The following PCCB variants were observed in gnomAD, a reference collection of about 807,000 sequenced individuals.
PCCB encodes the protein propionyl-CoA carboxylase subunit beta, also known as propionyl-CoA carboxylase beta chain, mitochondrial.
Under a neutral mutation model 60.7 loss-of-function variants are expected in PCCB, and 43 were observed. The observed-to-expected ratio is 0.71, with a 90% CI of 0.55 to 0.91. The LOEUF (loss-of-function observed/expected upper bound fraction) is 0.91, where lower values mean the gene tolerates loss of function less well. Among genes scored for constraint, PCCB ranks in the 40% least tolerant of loss-of-function variants. PCCB has a pLI of 0.00. For missense variants in PCCB, 766 were observed against 702.8 expected, an observed-to-expected ratio of 1.09 and a Z score of -1.02; for synonymous variants, 276 against 255.9, an observed-to-expected ratio of 1.08 and a Z score of -0.75.
intron 9 of PCCB, among the ~76,000 whole-genome samples, chr3:136,302,977 G>A (rs1287932320): frequency 8.2e-6 from 1 of 122,162 alleles, no homozygotes; most frequent in African/African-American, 2.5e-5. Flanking sequence ...CCATTTACTT[G>A]GGAGGCTGAG....
chr3:136,253,737 C>T (rs1383405070), intron 1 of PCCB, among the ~76,000 whole-genome samples: 1 of 146,186 alleles, frequency 6.8e-6, no homozygotes, highest in East Asian at 2.1e-4. Context: ...GTGGTGTAAT[C>T]ATGGCTTAGT....
chr3:136,288,592 G>A (rs919331227), intron 6 of PCCB, among the ~76,000 whole-genome samples: 1 of 150,954 alleles, frequency 6.6e-6, no homozygotes, highest in East Asian at 2.0e-4. Context: ...TCAAGCAATC[G>A]TCCTCCCTCC....
chr3:136,269,304 G>A (rs1303635162), intron 5 of PCCB, among the ~76,000 whole-genome samples: 1 of 152,082 alleles, frequency 6.6e-6, no homozygotes, highest in East Asian at 1.9e-4. Context: ...ATTTAGAATG[G>A]AATTATCTTG....
intron 5 of PCCB, among the ~76,000 whole-genome samples, chr3:136,276,608 G>A (rs1012250587): frequency 6.6e-6 from 1 of 152,180 alleles, no homozygotes; most frequent in African/African-American, 2.4e-5. Flanking sequence ...GATTCCTCCT[G>A]TGGAGATGCA....
chr3:136,277,897 G>A (rs1576322153), intron 5 of PCCB, among the ~76,000 whole-genome samples: 2 of 152,296 alleles, frequency 1.3e-5, no homozygotes, highest in South Asian at 2.1e-4. Context: ...GCCACCTGCA[G>A]GGCCAGGCAC....
intron 9 of PCCB, among the ~76,000 whole-genome samples, chr3:136,307,552 G>C (rs1415522194): frequency 6.6e-6 from 1 of 151,276 alleles, no homozygotes; most frequent in Non-Finnish European, 1.5e-5. Flanking sequence ...GTAACCACTA[G>C]ACTAAAAAAT....
chr3:136,284,838 A>C (rs1327854960), intron 6 of PCCB, among the ~76,000 whole-genome samples: 2 of 152,200 alleles, frequency 1.3e-5, no homozygotes, highest in East Asian at 3.9e-4. Flanking sequence ...CTGTAATCCC[A>C]GCACTTGGGA....
intron 10 of PCCB, among the ~76,000 whole-genome samples, chr3:136,321,854 A>G (rs934401846): frequency 1.3e-5 from 2 of 152,224 alleles, no homozygotes; most frequent in Admixed American, 6.5e-5. Context: ...CAACCTTGCT[A>G]TATTATTAGT....
intron 5 of PCCB, among the ~76,000 whole-genome samples, chr3:136,273,096 A>T (rs1457834141): frequency 6.6e-6 from 1 of 152,156 alleles, no homozygotes; most frequent in Non-Finnish European, 1.5e-5. Context: ...GGAGCAGATT[A>T]TTTAATTTCC....
chr3:136,323,988 CTTTG>C (rs1271892226), intron 10 of PCCB, among the ~76,000 whole-genome samples: 4 of 142,270 alleles, frequency 2.8e-5, no homozygotes, highest in Admixed American at 2.1e-4. Flanking sequence ...TTTTCCCAAG[CTTTG>C]TTTTTTTTTT....
intron 10 of PCCB, 118 bp downstream of exon 10, chr3:136,317,182 A>AAAAAATCT (rs1934930155): frequency 1.1e-6 from 1 of 931,920 alleles, no homozygotes; most frequent in Non-Finnish European, 1.7e-6. Flanking sequence ...TGACCAGAGG[A>AAAAAATCT]AAAAATCTAA....
At chr3:136,255,328 G>A (rs1249059970) in intron 1 of PCCB, 4 of 194,604 alleles carry the variant, frequency 2.1e-5, no homozygotes, top group Non-Finnish European at 4.2e-5. Context: ...GATAGTAGGA[G>A]AAGGAGAAGC....
chr3:136,276,261 G>T (rs1379942139), intron 5 of PCCB, among the ~76,000 whole-genome samples: 1 of 152,124 alleles, frequency 6.6e-6, no homozygotes, highest in Non-Finnish European at 1.5e-5. Flanking sequence ...GCTGTCCCTG[G>T]GTAGGAACCA....
At chr3:136,259,090 T>A in intron 3 of PCCB, 1 of 1,306,848 alleles carries the variant, frequency 7.7e-7, no homozygotes, top group Non-Finnish European at 9.8e-7. Flanking sequence ...AATAAGCCCT[T>A]TACATCTGAA....
chr3:136,269,158 G>C (rs1942119083), intron 5 of PCCB, among the ~76,000 whole-genome samples: 1 of 152,146 alleles, frequency 6.6e-6, no homozygotes, highest in African/African-American at 2.4e-5. Context: ...GTGCATGCCT[G>C]TAATCCCAGC....
intron 7 of PCCB, among the ~76,000 whole-genome samples, chr3:136,297,284 G>T (rs966594879): frequency 3.3e-5 from 5 of 152,192 alleles, no homozygotes; most frequent in Non-Finnish European, 7.3e-5. Flanking sequence ...AGCTCTGTCT[G>T]TCAGCTTTGT....
At chr3:136,292,595 G>A (rs1933745331) in intron 6 of PCCB, among the ~76,000 whole-genome samples, 1 of 152,206 alleles carries the variant, frequency 6.6e-6, no homozygotes, top group Non-Finnish European at 1.5e-5. Context: ...GGAATAGAAT[G>A]ATCTTCAAGC....
intron 6 of PCCB, among the ~76,000 whole-genome samples, chr3:136,286,336 A>T (rs540231203): frequency 6.6e-6 from 1 of 152,350 alleles, no homozygotes; most frequent in Non-Finnish European, 1.5e-5. Flanking sequence ...ATGACTTTAA[A>T]TACTGATCCG....
At chr3:136,318,217 T>A (rs1467670492) in intron 10 of PCCB, among the ~76,000 whole-genome samples, 1 of 151,930 alleles carries the variant, frequency 6.6e-6, no homozygotes, top group African/African-American at 2.4e-5. Context: ...TGGTGGCACG[T>A]GCCTGTAGTC....
Sources: gnomAD v4.1 joint callset for allele counts (sites outside exome capture counted in the v4.1 genomes callset) on GRCh38, gnomAD v4.1.1 for gene constraint, MANE v1.5 for transcripts, NCBI Gene and HGNC (gene_info 2026-07-23, HGNC 2026-07-21) for gene names.